Variants in TRABD observed in about 807,000 individuals in gnomAD.
TRABD encodes traB domain-containing protein.
A neutral mutation model predicts 39.6 loss-of-function variants in TRABD; 23 were observed. The ratio of observed to expected loss-of-function variants is 0.58; its 90% CI spans 0.42 to 0.82. TRABD has a LOEUF of 0.82. Among genes scored for constraint, TRABD ranks in the 40% least tolerant of loss-of-function variants. The pLI is 0.00. For missense variants in TRABD, 487 were observed against 544.9 expected, an observed-to-expected ratio of 0.89 and a Z score of 1.06; for synonymous variants, 243 against 232.1, an observed-to-expected ratio of 1.05 and a Z score of -0.43.
Position 50,197,895 on chromosome 22 carries a change from C to T in TRABD, c.744C>T (p.Phe248=). The T allele has an allele frequency of 2.5e-6, 4 of 1,612,704 alleles. No individual in the cohort carries two copies. In the South Asian group the frequency reaches 4.4e-5, roughly 18 times the overall value. ...TGATGGCCGAGATGATTGGCGAGTT[C>T]CCAGACCTGCACCGCACCATCGTCT... is the stretch of plus-strand genomic sequence containing the variant. ...EQMMAEMIGE[F]PDLHRTIVSE... Residue 248 remains phenylalanine, a synonymous_variant, in exon 8 of 10, where the codon TTC becomes TTT. Transcript: ENST00000380909.
chr22:50,191,515 C>G (rs1281444548), intron 1 of TRABD, among the ~76,000 whole-genome samples: 1 of 152,154 alleles, frequency 6.6e-6, no homozygotes, highest in African/African-American at 2.4e-5. Context: ...GCTCATTGTT[C>G]CTTTTTCTTA....
intron 5 of TRABD, 41 bp downstream of exon 5, chr22:50,195,081 C>G (rs1474588183): frequency 2.0e-6 from 3 of 1,519,276 alleles, no homozygotes; most frequent in Non-Finnish European, 2.6e-6. Flanking sequence ...GGGTCGGGGT[C>G]AAAGCCACCT....
intron 1 of TRABD, chr22:50,191,737 C>T (rs963289479): frequency 6.6e-6 from 1 of 152,258 alleles, no homozygotes; most frequent in South Asian, 2.1e-4. Flanking sequence ...TTTCCAACGG[C>T]TCATTTTTAT....
At chr22:50,196,327 G>A (rs1041348459) in intron 5 of TRABD, among the ~76,000 whole-genome samples, 7 of 152,168 alleles carry the variant, frequency 4.6e-5, no homozygotes, top group South Asian at 4.1e-4. Context: ...GGGGAAACAC[G>A]GGCACTCCAT....
chr22:50,186,541 C>G (rs1172442468), intron 1 of TRABD, among the ~76,000 whole-genome samples: 2 of 152,088 alleles, frequency 1.3e-5, no homozygotes, highest in African/African-American at 4.8e-5. Context: ...CCTCGCGGGT[C>G]GGGAGGGCCC....
At chr22:50,186,989 T>C (rs778447910) in intron 1 of TRABD, among the ~76,000 whole-genome samples, 2 of 152,186 alleles carry the variant, frequency 1.3e-5, no homozygotes, top group Non-Finnish European at 2.9e-5. Flanking sequence ...GATGGAAGCC[T>C]CCTAGCTTTC....
rs2147146033 is a variant in TRABD, at chr22:50,198,631, C to G, written c.*112C>G. The G allele has an allele frequency of 3.5e-6, 4 of 1,157,002 alleles. No homozygotes were observed. The highest frequency in any genetic ancestry group is 1.7e-5 in the South Asian group (1 of 59,510). 71.7% of individuals were successfully genotyped at this position (1,157,002 alleles called of 1,614,324 possible). On this transcript the variant is annotated 3_prime_UTR_variant, in exon 10 of 10. Coordinates refer to ENST00000380909, the MANE Select transcript of TRABD (RefSeq NM_001320485.2). This position sits in a 1 kb window ranked among gnomAD's most constrained non-coding sequence, Gnocchi z 7.9. Reference sequence around the variant, plus strand: ...GGCCCCTGCCACCCCCCATGGGGGTCTGGGCCCGGCCTCGCCTGCCCTCCT... The same window carrying G: ...GGCCCCTGCCACCCCCCATGGGGGTGTGGGCCCGGCCTCGCCTGCCCTCCT...
intron 1 of TRABD, among the ~76,000 whole-genome samples, chr22:50,191,404 A>C (rs965752883): frequency 2.6e-5 from 4 of 152,212 alleles, no homozygotes; most frequent in Admixed American, 6.5e-5. Context: ...GCCAGGACCC[A>C]GCTGGGTCTG....
rs768599551 is a variant in TRABD, at chr22:50,197,965, C to T, written c.814C>T (p.Arg272Trp). The change falls in exon 8 of 10, where the codon CGG (arginine) becomes TGG (tryptophan). Residue 272 changes from arginine (R) to tryptophan (W), a missense_variant. This residue lies in a region of TRABD where 358 missense variants were observed against 414.7 expected (regional missense o/e 0.86). Coordinates refer to ENST00000380909, the MANE Select transcript of TRABD (RefSeq NM_001320485.2). ...AACCTACATGCTGCGCCAGGCCGCG[C>T]GGCGCCTCGAGCTGCCTCGGGCCTC... ...YLTYMLRQAA[R>W]RLELPRASDA... 5.6e-6 allele frequency: 9 copies of T among 1,612,442 alleles called. No homozygotes were observed. The highest frequency in any genetic ancestry group is 5.0e-5 in the Admixed American group (3 of 59,990).
At chr22:50,192,641 C>G (rs561878386) in intron 1 of TRABD, among the ~76,000 whole-genome samples, 2 of 152,014 alleles carry the variant, frequency 1.3e-5, no homozygotes, top group Non-Finnish European at 2.9e-5. Flanking sequence ...TGCCATGTGT[C>G]AGCAGCTGCG....
intron 1 of TRABD, among the ~76,000 whole-genome samples, chr22:50,189,313 G>T (rs1569077542): frequency 6.6e-6 from 1 of 152,262 alleles, no homozygotes; most frequent in South Asian, 2.1e-4. Flanking sequence ...ATCCTGCCCA[G>T]GGTAGCACTG....
At chr22:50,193,763 G>C in intron 3 of TRABD, 109 bp downstream of exon 3, 1 of 1,131,682 alleles carries the variant, frequency 8.8e-7, no homozygotes, top group South Asian at 1.3e-5. Context: ...GTGGTGAGCA[G>C]GGGCCCTGGC....
chr22:50,190,442 C>T (rs778153210), intron 1 of TRABD, among the ~76,000 whole-genome samples: 1 of 152,062 alleles, frequency 6.6e-6, no homozygotes, highest in Non-Finnish European at 1.5e-5. Context: ...GCCTCAGAGG[C>T]GGGTCTGGCC....
intron 3 of TRABD, among the ~76,000 whole-genome samples, chr22:50,193,915 AGT>A (rs1347049653): frequency 6.6e-4 from 6 of 9,128 alleles, no homozygotes; most frequent in African/African-American, 3.0e-3. Flanking sequence ...GAGCACAAGC[AGT>A]GTGAGCGGCA....
intron 5 of TRABD, among the ~76,000 whole-genome samples, chr22:50,196,247 C>A (rs927473387): frequency 6.6e-6 from 1 of 152,196 alleles, no homozygotes; most frequent in Non-Finnish European, 1.5e-5. Flanking sequence ...GGAGTGGGTC[C>A]CAGTGGACCA....
rs2064047054 is a variant in TRABD at position 50,194,968 on chromosome 22, G to A, written c.348G>A (p.Lys116=). 1.9e-6 allele frequency: 3 copies of A among 1,612,540 alleles called. No homozygotes were observed. In the African/African-American group the frequency reaches 4.0e-5, roughly 21 times the overall value. ...ELCQYRVSML[K]MDESTLLREA... ...GCCAATATCGTGTGTCCATGCTGAA[G>A]ATGGACGAGAGCACGCTGCTGCGGG... Residue 116 remains lysine, a synonymous_variant, in exon 5 of 10, where the codon AAG becomes AAA. Coordinates refer to ENST00000380909, the MANE Select transcript of TRABD (RefSeq NM_001320485.2).
chr22:50,189,727 A>G (rs2063845399), intron 1 of TRABD, among the ~76,000 whole-genome samples: 1 of 150,786 alleles, frequency 6.6e-6, no homozygotes, highest in Non-Finnish European at 1.5e-5. Context: ...GCTGGGACCC[A>G]GAGGGGGTGG....
chr22:50,190,313 G>A (rs1319955318), intron 1 of TRABD, among the ~76,000 whole-genome samples: 1 of 152,210 alleles, frequency 6.6e-6, no homozygotes, highest in Non-Finnish European at 1.5e-5. Flanking sequence ...AAGCTTCTCT[G>A]CCCTCCCTGA....
At chr22:50,194,628 A>G in intron 4 of TRABD, 122 bp downstream of exon 4, 1 of 1,441,998 alleles carries the variant, frequency 6.9e-7, no homozygotes, top group East Asian at 2.5e-5. Flanking sequence ...CTCCTGCTTC[A>G]ACACTGTGGT....
Sources: gnomAD v4.1 joint callset for allele counts (sites outside exome capture counted in the v4.1 genomes callset) on GRCh38, gnomAD v4.1.1 for gene constraint, gnomAD v4.1.1 regional missense constraint, Gnocchi (gnomAD v3.1) non-coding constraint, MANE v1.5 for transcripts, NCBI Gene and HGNC (gene_info 2026-07-23, HGNC 2026-07-21) for gene names.